Variants in PUM2 observed in about 807,000 individuals in gnomAD.
PUM2 encodes pumilio homolog 2.
Under a neutral mutation model 124.5 loss-of-function variants are expected in PUM2, and 57 were observed. The ratio of observed to expected loss-of-function variants is 0.46; its 90% confidence interval spans 0.37 to 0.57. The LOEUF (loss-of-function observed/expected upper bound fraction) is 0.57. Among genes scored for constraint, PUM2 ranks in the 20% least tolerant of loss-of-function variants. PUM2 has a pLI of 0.00. For missense variants in PUM2, 1,065 were observed against 1,290.6 expected (o/e 0.83, Z 2.68); for synonymous variants, 460 against 446.1 (o/e 1.03, Z -0.39).
At position 20,350,360 on chromosome 2, in the gene PUM2, G is replaced by A. The variant is rs1052741003; in HGVS notation, c.-19+237C>T. ...GAGGCGGCGGCCCCGCAGAGGGAAG[G>A]AAGCGGGAAAGCGGCCGGCGCGGCG... is the stretch of plus-strand genomic sequence containing the variant. On this transcript the variant is annotated intron_variant, in intron 1 of 20. Coordinates refer to ENST00000361078, the MANE Select transcript of PUM2 (RefSeq NM_015317.5). 10 of 658,350 alleles carry A rather than the reference G, an allele frequency of 1.5e-5. No homozygotes were observed. In the East Asian group the frequency reaches 5.5e-4, roughly 36 times the overall value. 40.8% of individuals were successfully genotyped at this position (658,350 alleles called of 1,614,324 possible).
intron 13 of PUM2, among the ~76,000 whole-genome samples, chr2:20,275,792 A>G (rs1257148404): frequency 6.6e-6 from 1 of 152,104 alleles, no homozygotes; most frequent in Non-Finnish European, 1.5e-5. Context: ...AGTGTGGGAA[A>G]ATAAATAGGA....
chr2:20,277,389 G>T (rs1483532559), intron 13 of PUM2, among the ~76,000 whole-genome samples: 2 of 152,054 alleles, frequency 1.3e-5, no homozygotes, highest in African/African-American at 4.8e-5. Flanking sequence ...TACACATCTA[G>T]TACTGCAAAG....
chr2:20,339,608 G>C (rs1686832102), intron 1 of PUM2, among the ~76,000 whole-genome samples: 1 of 152,214 alleles, frequency 6.6e-6, no homozygotes, highest in African/African-American at 2.4e-5. Flanking sequence ...GGCCAGGCAT[G>C]GTGGCTCATG....
At chr2:20,307,885 G>T in intron 7 of PUM2, 93 bp downstream of exon 7, 2 of 1,475,838 alleles carry the variant, frequency 1.4e-6, no homozygotes, top group Non-Finnish European at 1.8e-6. Flanking sequence ...GTTTCAAAAA[G>T]TAACAAAACC....
chr2:20,325,792 T>C (rs900695051), intron 2 of PUM2, among the ~76,000 whole-genome samples: 1 of 152,150 alleles, frequency 6.6e-6, no homozygotes, highest in African/African-American at 2.4e-5. Flanking sequence ...CGGCTAATTT[T>C]TTGTATTTTT....
At chr2:20,329,435 CAA>C (rs112041256) in intron 1 of PUM2, among the ~76,000 whole-genome samples, 20 of 63,320 alleles carry the variant, frequency 3.2e-4, no homozygotes, top group Admixed American at 7.8e-4. Context: ...CCCCTCATCT[CAA>C]AAAAAAAAAA....
chr2:20,259,722 G>T (rs534282613), intron 15 of PUM2, among the ~76,000 whole-genome samples: 1 of 152,068 alleles, frequency 6.6e-6, no homozygotes, highest in Non-Finnish European at 1.5e-5. Context: ...TTTGGCTATC[G>T]TGAATAATGG....
chr2:20,271,388 A>T (rs1258885174), intron 13 of PUM2, among the ~76,000 whole-genome samples: 13 of 152,250 alleles, frequency 8.5e-5, no homozygotes, highest in Admixed American at 6.5e-4. Context: ...ACGTCGGCTT[A>T]CTGCAACCTC....
intron 16 of PUM2, among the ~76,000 whole-genome samples, 199 bp from the exon 17 acceptor site, chr2:20,256,369 G>A (rs147841777): frequency 1.3e-5 from 2 of 152,156 alleles, no homozygotes; most frequent in African/African-American, 4.8e-5. Context: ...TTCTCTTGTA[G>A]TATAATTAGC....
At chr2:20,262,206 G>C (rs953065115) in intron 14 of PUM2, among the ~76,000 whole-genome samples, 8 of 152,230 alleles carry the variant, frequency 5.3e-5, no homozygotes, top group African/African-American at 2.4e-5. Context: ...GGAGTGTACA[G>C]TAATGTCCTA....
At chr2:20,329,259 G>C (rs996286727) in intron 1 of PUM2, among the ~76,000 whole-genome samples, 11 of 150,000 alleles carry the variant, frequency 7.3e-5, no homozygotes, top group Non-Finnish European at 1.3e-4. Context: ...TAAAAACAAT[G>C]TCTCTACAAA....
At chr2:20,334,653 T>A (rs1475369761) in intron 1 of PUM2, among the ~76,000 whole-genome samples, 2 of 152,200 alleles carry the variant, frequency 1.3e-5, no homozygotes, top group African/African-American at 4.8e-5. Flanking sequence ...TATTTACATA[T>A]CTTCATATAT....
At position 20,334,147 on chromosome 2, in the gene PUM2, A is replaced by T. The variant is rs59610190; in HGVS notation, c.-18-6769T>A. Among the ~76,000 whole-genome samples, 835 of 152,052 alleles carry T rather than the reference A, an allele frequency of 5.5e-3. 8 individuals carry two copies. The highest frequency in any genetic ancestry group is 0.019 in the African/African-American group (791 of 41,454). On this transcript the variant is annotated intron_variant, in intron 1 of 20. Coordinates refer to ENST00000361078, the MANE Select transcript of PUM2 (RefSeq NM_015317.5). ...AATACATCCTGTTTCTACAAAAAAA[A>T]TTTTTTTTTAAAAAATTAGCCAGGC... is the stretch of plus-strand genomic sequence containing the variant.
chr2:20,271,416 C>T (rs866593422), intron 13 of PUM2, among the ~76,000 whole-genome samples: 3 of 152,202 alleles, frequency 2.0e-5, no homozygotes, highest in African/African-American at 4.8e-5. Flanking sequence ...TGGGTTCAAG[C>T]GATTCTCCCA....
At position 20,334,580 on chromosome 2, in the gene PUM2, A is replaced by G. The variant is rs190707172; in HGVS notation, c.-18-7202T>C. ...GTTCAACATTTAATGAATGAAAAAA[A>G]CCATATTTTATGAAATGTGAATTCC... On this transcript the variant is annotated intron_variant, in intron 1 of 20. Transcript: ENST00000361078. 4.6e-5 allele frequency among the ~76,000 whole-genome samples: 7 copies of G among 152,312 alleles called. No homozygotes were observed. The East Asian group carries it at 1.3e-3, about 29-fold the overall frequency.
At chr2:20,345,765 G>C (rs1376426811) in intron 1 of PUM2, among the ~76,000 whole-genome samples, 1 of 152,128 alleles carries the variant, frequency 6.6e-6, no homozygotes, top group Non-Finnish European at 1.5e-5. Flanking sequence ...CCAGCTTCTT[G>C]GGAGGCTGAG....
chr2:20,255,258 A>C lies in PUM2; in HGVS notation c.2706T>G (p.Pro902=). 6.2e-7 allele frequency: 1 copy of C among 1,604,518 alleles called. No individual in the cohort carries two copies. The highest frequency in any genetic ancestry group is 8.5e-7 in the Non-Finnish European group (1 of 1,171,320). Residue 902 remains proline, a synonymous_variant, in exon 18 of 21, where the codon CCT becomes CCG. Transcript: ENST00000361078. ...TATGTTGGTGGAGTTCTTCTAAGATAGGTAAGGTCTGTTCTGCAGTGCAAT... is the reference window on the plus strand; with the variant it reads ...TATGTTGGTGGAGTTCTTCTAAGATCGGTAAGGTCTGTTCTGCAGTGCAAT... The part of the protein sequence containing the change: ...LEHCTAEQTL[P]ILEELHQHTE...
chr2:20,311,767 A>G, intron 4 of PUM2, 104 bp from the exon 5 acceptor site: 2 of 1,173,186 alleles, frequency 1.7e-6, no homozygotes, highest in Non-Finnish European at 2.3e-6. Context: ...AAACAATAAA[A>G]GCATTGAATC....
At chr2:20,302,200 C>T (rs1250501849) in intron 7 of PUM2, among the ~76,000 whole-genome samples, 3 of 152,178 alleles carry the variant, frequency 2.0e-5, no homozygotes, top group Non-Finnish European at 4.4e-5. Flanking sequence ...CAGGTGCCAA[C>T]ACACCTGACT....
Sources: gnomAD v4.1 joint callset for allele counts (sites outside exome capture counted in the v4.1 genomes callset) on GRCh38, gnomAD v4.1.1 for gene constraint, MANE v1.5 for transcripts, NCBI Gene and HGNC (gene_info 2026-07-23, HGNC 2026-07-21) for gene names.